Variants in LRP1B observed in about 807,000 individuals in gnomAD.
LRP1B encodes the protein LDL receptor related protein 1B.
A neutral mutation model predicts 556.6 loss-of-function variants in LRP1B; 217 were observed. The observed-to-expected ratio is 0.39, with a 90% CI of 0.35 to 0.44. The LOEUF is 0.44. Among genes scored for constraint, LRP1B ranks in the 20% least tolerant of loss-of-function variants. The probability of loss-of-function intolerance (pLI) is 1.00; values close to 1 mark genes in which losing one functional copy is unlikely to be tolerated. For synonymous variants in LRP1B, 2,047 were observed against 1,865.8 expected (o/e 1.10, Z -2.50); for missense variants, 5,053 against 5,620.8 (o/e 0.90, Z 3.23).
rs148303339 is a variant in LRP1B, at chr2:141,128,335, T to G, written c.1013+60086A>C. Among the ~76,000 whole-genome samples, 562 of 152,354 alleles carry G rather than the reference T, an allele frequency of 3.7e-3. 5 individuals carry two copies. The highest frequency in any genetic ancestry group is 0.013 in the African/African-American group (545 of 41,584). On this transcript the variant is annotated intron_variant, in intron 7 of 90. Transcript: ENST00000389484. ...GGTTTTGGATCTTCACTACAGATAGTTCGAGACACACTGTTTTAGATCAAG... is the reference window on the plus strand; with the variant it reads ...GGTTTTGGATCTTCACTACAGATAGGTCGAGACACACTGTTTTAGATCAAG...
At chr2:141,047,750 G>A (rs1216453130) in intron 11 of LRP1B, among the ~76,000 whole-genome samples, 1 of 152,036 alleles carries the variant, frequency 6.6e-6, no homozygotes, top group African/African-American at 2.4e-5. Flanking sequence ...ACCTCCAGCA[G>A]CTTTCCATTT....
At chr2:140,971,320 CCA>C (rs1451776331) in intron 18 of LRP1B, among the ~76,000 whole-genome samples, 1 of 152,062 alleles carries the variant, frequency 6.6e-6, no homozygotes, top group African/African-American at 2.4e-5. Context: ...ACGCCGATAG[CCA>C]CCAGAAGCTG....
chr2:142,050,969 C>A (rs1431064283), intron 1 of LRP1B, among the ~76,000 whole-genome samples: 1 of 152,054 alleles, frequency 6.6e-6, no homozygotes, highest in Non-Finnish European at 1.5e-5. Context: ...ATTAAAGTTA[C>A]AGTCCTGAGA....
At chr2:141,355,461 C>T (rs1688593586) in intron 3 of LRP1B, among the ~76,000 whole-genome samples, 1 of 151,934 alleles carries the variant, frequency 6.6e-6, no homozygotes, top group Admixed American at 6.6e-5. Flanking sequence ...CCAGTCAATC[C>T]CCACCTCCAC....
chr2:140,481,698 C>A (rs1688254395), intron 59 of LRP1B, among the ~76,000 whole-genome samples: 1 of 151,304 alleles, frequency 6.6e-6, no homozygotes, highest in African/African-American at 2.4e-5. Context: ...TCTGTGTTCC[C>A]ATATTCTGGG....
At chr2:140,324,338 A>G (rs1174462870) in intron 80 of LRP1B, among the ~76,000 whole-genome samples, 1 of 152,014 alleles carries the variant, frequency 6.6e-6, no homozygotes, top group African/African-American at 2.4e-5. Flanking sequence ...TCTGGGGGTT[A>G]TTATTTGCAG....
chr2:140,808,495 C>T (rs1020686467), intron 32 of LRP1B, among the ~76,000 whole-genome samples: 1 of 152,194 alleles, frequency 6.6e-6, no homozygotes, highest in African/African-American at 2.4e-5. Flanking sequence ...TTGGCAAACT[C>T]TTGGCTACTC....
chr2:140,268,702 A>C (rs968356779), intron 86 of LRP1B, among the ~76,000 whole-genome samples: 1 of 152,020 alleles, frequency 6.6e-6, no homozygotes, highest in African/African-American at 2.4e-5. Flanking sequence ...ATATGAGTTT[A>C]CTATTGCATA....
chr2:141,142,921 C>CTTTTTTTTTTTTTTTT (rs35543111), intron 7 of LRP1B, among the ~76,000 whole-genome samples: 1 of 101,434 alleles, frequency 9.9e-6, no homozygotes, highest in Non-Finnish European at 1.8e-5. Flanking sequence ...TGTCTGATTA[C>CTTTTTTTTTTTTTTTT]TTTTTTTTTT....
At chr2:141,818,690 C>G (rs1401942212) in intron 1 of LRP1B, among the ~76,000 whole-genome samples, 1 of 151,434 alleles carries the variant, frequency 6.6e-6, no homozygotes, top group African/African-American at 2.4e-5. Flanking sequence ...GCGCCTGCCA[C>G]CACACCTGGC....
intron 1 of LRP1B, among the ~76,000 whole-genome samples, chr2:142,016,481 T>C (rs1199691160): frequency 6.6e-6 from 1 of 152,094 alleles, no homozygotes; most frequent in African/African-American, 2.4e-5. Context: ...ATATACACAA[T>C]AGAATACTAT....
At chr2:141,649,311 T>A (rs1422947050) in intron 2 of LRP1B, among the ~76,000 whole-genome samples, 2 of 152,208 alleles carry the variant, frequency 1.3e-5, no homozygotes, top group African/African-American at 4.8e-5. Context: ...GTGTCTTTCA[T>A]CATGGTATAG....
In LRP1B at chr2:141,904,018, G is replaced by A. The variant is rs940056149; in HGVS notation, c.83-93617C>T. On this transcript the variant is annotated intron_variant, in intron 1 of 90. Coordinates refer to ENST00000389484, the MANE Select transcript of LRP1B (RefSeq NM_018557.3). Reference sequence around the variant, plus strand: ...AAATAAACACCAGAGAGCACGAAGGGTAATGGAAAGATATGATAGTGGAGC... The same window carrying A: ...AAATAAACACCAGAGAGCACGAAGGATAATGGAAAGATATGATAGTGGAGC... Among the ~76,000 whole-genome samples, 6 of 152,018 alleles carry A rather than the reference G, an allele frequency of 3.9e-5. No homozygotes were observed. In the East Asian group the frequency reaches 1.2e-3, roughly 29 times the overall value.
At chr2:140,532,665 G>A (rs954590540) in intron 47 of LRP1B, among the ~76,000 whole-genome samples, 1 of 151,916 alleles carries the variant, frequency 6.6e-6, no homozygotes, top group Non-Finnish European at 1.5e-5. Context: ...AAAGTGCTGG[G>A]ATTACAGGCA....
At chr2:140,531,221 T>G (rs1310769875) in intron 47 of LRP1B, among the ~76,000 whole-genome samples, 1 of 152,144 alleles carries the variant, frequency 6.6e-6, no homozygotes, top group Non-Finnish European at 1.5e-5. Flanking sequence ...TTCCTGCACA[T>G]TCTTTCTTGA....
In LRP1B at chr2:140,725,787, C is replaced by A. The variant is rs537253606; in HGVS notation, c.5759-8971G>T. 3.3e-5 allele frequency among the ~76,000 whole-genome samples: 5 copies of A among 152,198 alleles called. No homozygotes were observed. The East Asian group carries it at 9.7e-4, about 29-fold the overall frequency. On this transcript the variant is annotated intron_variant, in intron 35 of 90. Coordinates refer to ENST00000389484, the MANE Select transcript of LRP1B (RefSeq NM_018557.3). ...GTGGCAGTTTCATGTCATGTCCCAGCCTCACATCATATCCTTGACTCCTCC... is the reference window on the plus strand; with the variant it reads ...GTGGCAGTTTCATGTCATGTCCCAGACTCACATCATATCCTTGACTCCTCC...
At chr2:140,822,252 C>T (rs1053202430) in intron 31 of LRP1B, among the ~76,000 whole-genome samples, 1 of 152,294 alleles carries the variant, frequency 6.6e-6, no homozygotes, top group African/African-American at 2.4e-5. Flanking sequence ...AGCAATACAT[C>T]TTAATTGAGA....
At chr2:141,376,486 C>G (rs770274493) in intron 3 of LRP1B, among the ~76,000 whole-genome samples, 2 of 152,158 alleles carry the variant, frequency 1.3e-5, no homozygotes, top group Non-Finnish European at 2.9e-5. Context: ...TAGACAATCT[C>G]TTCAAAATGT....
chr2:141,988,111 T>A (rs1479885066), intron 1 of LRP1B, among the ~76,000 whole-genome samples: 1 of 151,768 alleles, frequency 6.6e-6, no homozygotes, highest in African/African-American at 2.4e-5. Context: ...TCACAGACCC[T>A]CCCACTGAAA....
Sources: allele counts gnomAD v4.1 joint callset (sites outside exome capture counted in the v4.1 genomes callset), GRCh38; gene constraint gnomAD v4.1.1; transcripts MANE v1.5; gene names NCBI Gene and HGNC (gene_info 2026-07-23, HGNC 2026-07-21).